The following XRCC1 variants were observed in gnomAD, a reference collection of about 807,000 sequenced individuals.
The protein encoded by XRCC1 is X-ray repair cross complementing 1, also known as DNA repair protein XRCC1.
In XRCC1, 52 loss-of-function variants were observed where a neutral mutation model predicts 83.3. The observed-to-expected ratio is 0.62, with a 90% CI of 0.50 to 0.79. The LOEUF is 0.79. Among genes scored for constraint, XRCC1 ranks in the 30% least tolerant of loss-of-function variants. The pLI, the probability that XRCC1 is intolerant of heterozygous loss-of-function variation, is 0.00. For missense variants in XRCC1, 793 were observed against 823.5 expected (o/e 0.96, Z 0.45); for synonymous variants, 281 against 312.6 (o/e 0.90, Z 1.07).
At chr19:43,556,246 T>C (rs764014936) in intron 3 of XRCC1, among the ~76,000 whole-genome samples, 1 of 152,070 alleles carries the variant, frequency 6.6e-6, no homozygotes, top group Non-Finnish European at 1.5e-5. Flanking sequence ...AGAGAAAACC[T>C]AGGCTCCAAG....
chr19:43,548,535 G>A (rs1449788695), intron 10 of XRCC1, among the ~76,000 whole-genome samples: 3 of 152,038 alleles, frequency 2.0e-5, no homozygotes, highest in Non-Finnish European at 4.4e-5. Flanking sequence ...GATTAAGGGC[G>A]GTGCAAGATG....
chr19:43,548,120 C>A (rs953081861), intron 10 of XRCC1, among the ~76,000 whole-genome samples: 1 of 147,168 alleles, frequency 6.8e-6, no homozygotes, highest in Non-Finnish European at 1.5e-5. Context: ...GGGGGGTCAG[C>A]CCCCGCCCGG....
chr19:43,544,089 T>A, intron 15 of XRCC1, 55 bp downstream of exon 15: 28 of 1,403,688 alleles, frequency 2.0e-5, no homozygotes, highest in Non-Finnish European at 2.7e-5. Flanking sequence ...AGCAGGTCCC[T>A]GAGCGTTCCC....
At chr19:43,556,695 C>T (rs1034446672) in intron 3 of XRCC1, among the ~76,000 whole-genome samples, 1 of 152,046 alleles carries the variant, frequency 6.6e-6, no homozygotes, top group African/African-American at 2.4e-5. Context: ...GTCCCAGCTA[C>T]TCGGGAGGCT....
rs370026016 is a variant in XRCC1, at chr19:43,546,607, C to T, written c.1414G>A (p.Gly472Arg). The change falls in exon 12 of 17, where the codon GGG becomes AGG. Residue 472 changes from glycine to arginine, a missense_variant. Physicochemically the swap from Gly to Arg is moderately radical, Grantham distance 125. Transcript: ENST00000262887. ...CTCAGAGTCTGACCTGACTGTACCC[C>T]CTCAATGTCTATATCTTCCTGGAGC... is the stretch of plus-strand genomic sequence containing the variant. Reference protein sequence around the residue: ...PVLQEDIDIEGVQSEGQDNGA... With the variant: ...PVLQEDIDIERVQSEGQDNGA... 57 of 1,609,918 alleles carry T rather than the reference C, an allele frequency of 3.5e-5. No homozygotes were observed. The highest frequency in any genetic ancestry group is 4.7e-5 in the Non-Finnish European group (55 of 1,178,930).
At chr19:43,546,531 C>A (rs1244439391) in intron 12 of XRCC1, 64 bp downstream of exon 12, 2 of 1,548,118 alleles carry the variant, frequency 1.3e-6, no homozygotes, top group African/African-American at 2.8e-5. Flanking sequence ...GAGCCCAGGC[C>A]GCAGGCCCTC....
At chr19:43,567,465 C>T (rs899375179) in intron 2 of XRCC1, among the ~76,000 whole-genome samples, 1 of 152,096 alleles carries the variant, frequency 6.6e-6, no homozygotes, top group African/African-American at 2.4e-5. Context: ...GCACGCACCA[C>T]CACCCCCGGC....
intron 3 of XRCC1, among the ~76,000 whole-genome samples, chr19:43,558,535 G>A (rs3213332): frequency 0.16 from 24,673 of 149,870 alleles, 2,087 homozygotes; most frequent in Non-Finnish European, 0.19. Flanking sequence ...GGGCTGAGGC[G>A]GGAGGATCAC....
rs1452283203 is a variant in XRCC1 at position 43,552,290 on chromosome 19, G to C, written c.824-15C>G. Reference sequence around the variant, plus strand: ...TGGAGCTGGCACTGGAGAAGACAAAGAGTAGATTAGGTTAGCACCACTGGG... The same window carrying C: ...TGGAGCTGGCACTGGAGAAGACAAACAGTAGATTAGGTTAGCACCACTGGG... On this transcript the variant is annotated splice_polypyrimidine_tract_variant and intron_variant, in intron 8 of 16. Transcript: ENST00000262887. The C allele has an allele frequency of 1.3e-6, 2 of 1,567,554 alleles. No homozygotes were observed. Among genetic ancestry groups the C allele is most frequent in the African/African-American group, 1.4e-5 (1 of 73,590 alleles).
rs1972473432 is a variant in XRCC1 at position 43,543,354 on chromosome 19, GT to G, written c.*37del. Reference sequence around the variant, plus strand: ...TATTAAATGCATCGTGTGTGTGTGTGTGTGTGTGTGTGTGTGTGTGTGTGTA... The same window carrying G: ...TATTAAATGCATCGTGTGTGTGTGTGGTGTGTGTGTGTGTGTGTGTGTGTA... On this transcript the variant is annotated 3_prime_UTR_variant, in exon 17 of 17. Coordinates refer to ENST00000262887, the MANE Select transcript of XRCC1 (RefSeq NM_006297.3). 2 of 1,176,754 alleles carry G rather than the reference GT, an allele frequency of 1.7e-6. No homozygotes were observed. Among genetic ancestry groups the G allele is most frequent in the African/African-American group, 3.2e-5 (2 of 61,990 alleles). 72.9% of individuals were successfully genotyped at this position (1,176,754 alleles called of 1,614,324 possible). A position where few individuals can be genotyped will look rare whatever the true frequency, so the allele number is the denominator to read the frequency against.
Position 43,560,825 on chromosome 19 carries a change from T to TCCCAGC in XRCC1, c.255+79_255+84dup, listed in dbSNP as rs1972690538. 3 of 1,167,296 alleles carry TCCCAGC rather than the reference T, an allele frequency of 2.6e-6. No homozygotes were observed. In the East Asian group the frequency reaches 7.0e-5, roughly 27 times the overall value. 72.3% of individuals were successfully genotyped at this position (1,167,296 alleles called of 1,614,324 possible). On this transcript the variant is annotated intron_variant, in intron 3 of 16. Coordinates refer to ENST00000262887, the MANE Select transcript of XRCC1 (RefSeq NM_006297.3). ...TGTGACTCACATCTGCCCCATGTCT[T>TCCCAGC]CCCAGCCCCAGCCCCTGGGGGAGAC...
chr19:43,544,533 G>A (rs1030924599), intron 14 of XRCC1, among the ~76,000 whole-genome samples: 2 of 151,416 alleles, frequency 1.3e-5, no homozygotes, highest in Admixed American at 1.3e-4. Flanking sequence ...TTAAGACAAG[G>A]ACTCACTCTG....
chr19:43,554,498 T>G (rs890460013), intron 4 of XRCC1, 148 bp downstream of exon 4: 1 of 1,043,974 alleles, frequency 9.6e-7, no homozygotes, highest in Non-Finnish European at 1.3e-6. Flanking sequence ...CCAAACCCAT[T>G]TCAGGGAACG....
chr19:43,553,249 C>T, intron 6 of XRCC1, 152 bp downstream of exon 6: 1 of 1,123,582 alleles, frequency 8.9e-7, no homozygotes. Context: ...GAGGCCAGGC[C>T]CACCTTCCTC....
intron 3 of XRCC1, among the ~76,000 whole-genome samples, chr19:43,558,751 A>G (rs2146058941): frequency 6.6e-6 from 1 of 152,264 alleles, no homozygotes; most frequent in Non-Finnish European, 1.5e-5. Context: ...CAGAGAAGAG[A>G]GTACAGAAAT....
At chr19:43,557,348 T>A (rs1972648836) in intron 3 of XRCC1, among the ~76,000 whole-genome samples, 1 of 151,886 alleles carries the variant, frequency 6.6e-6, no homozygotes, top group South Asian at 2.1e-4. Flanking sequence ...TGCAGCCACT[T>A]TTGGTTGGGT....
At chr19:43,551,730 G>A (rs2146049425) in intron 9 of XRCC1, 43 bp from the exon 10 acceptor site, 2 of 1,479,178 alleles carry the variant, frequency 1.4e-6, no homozygotes, top group South Asian at 1.1e-5. Flanking sequence ...GGTGTGATCT[G>A]AGGGGCAAAG....
intron 3 of XRCC1, among the ~76,000 whole-genome samples, chr19:43,560,383 G>A (rs1972685590): frequency 6.6e-6 from 1 of 150,862 alleles, no homozygotes. Flanking sequence ...CTGGGCGACA[G>A]AGCGAGACTC....
At chr19:43,567,209 A>G (rs1286905743) in intron 2 of XRCC1, among the ~76,000 whole-genome samples, 2 of 151,232 alleles carry the variant, frequency 1.3e-5, no homozygotes, top group East Asian at 3.9e-4. Flanking sequence ...TTCTTTTTGG[A>G]GTGATGAAAA....
Sources: gnomAD v4.1 joint callset for allele counts (sites outside exome capture counted in the v4.1 genomes callset) on GRCh38, gnomAD v4.1.1 for gene constraint, MANE v1.5 for transcripts, NCBI Gene and HGNC (gene_info 2026-07-23, HGNC 2026-07-21) for gene names.